RNF220: variants seen among roughly 807,000 people sequenced by gnomAD.
RNF220 encodes E3 ubiquitin-protein ligase RNF220.
Under a neutral mutation model 67.1 loss-of-function variants are expected in RNF220, and 7 were observed. The observed-to-expected ratio is 0.10, with a 90% confidence interval of 0.06 to 0.20. The LOEUF (loss-of-function observed/expected upper bound fraction) is 0.20. RNF220 is among the 10% of genes least tolerant of loss of function. The pLI is 1.00. For missense variants in RNF220, 565 were observed against 740.3 expected (o/e 0.76, Z 2.75); for synonymous variants, 270 against 283.2 (o/e 0.95, Z 0.47).
At chr1:44,411,348 A>G (rs1357464778) in intron 1 of RNF220, among the ~76,000 whole-genome samples, 7 of 152,218 alleles carry the variant, frequency 4.6e-5, no homozygotes, top group African/African-American at 1.4e-4. Context: ...GTTTGTTCAT[A>G]TAGCACTTTT....
chr1:44,633,702 C>T (rs1286269115), intron 6 of RNF220, among the ~76,000 whole-genome samples: 1 of 152,196 alleles, frequency 6.6e-6, no homozygotes, highest in African/African-American at 2.4e-5. Flanking sequence ...ATTGTGGTAT[C>T]ATCAGCACCT....
intron 2 of RNF220, among the ~76,000 whole-genome samples, chr1:44,610,219 T>C (rs2148419808): frequency 6.6e-6 from 1 of 152,380 alleles, no homozygotes; most frequent in Admixed American, 6.5e-5. Flanking sequence ...GTCAGACCTC[T>C]GGCCGCCTGG....
chr1:44,429,648 A>T (rs964476459), intron 2 of RNF220, among the ~76,000 whole-genome samples: 1 of 152,236 alleles, frequency 6.6e-6, no homozygotes, highest in African/African-American at 2.4e-5. Flanking sequence ...AAACTTGAAG[A>T]TGGAGGTGGG....
chr1:44,527,070 G>C (rs1280712001), intron 2 of RNF220, among the ~76,000 whole-genome samples: 1 of 151,850 alleles, frequency 6.6e-6, no homozygotes, highest in African/African-American at 2.4e-5. Context: ...AGCTCATCAT[G>C]CCTGTAGTTT....
chr1:44,551,342 C>T (rs1268959401), intron 2 of RNF220, among the ~76,000 whole-genome samples: 1 of 151,764 alleles, frequency 6.6e-6, no homozygotes, highest in Non-Finnish European at 1.5e-5. Context: ...CTCGAACTCC[C>T]GACCTCATGT....
intron 2 of RNF220, among the ~76,000 whole-genome samples, chr1:44,575,807 C>T (rs542320064): frequency 6.6e-6 from 1 of 152,270 alleles, no homozygotes; most frequent in East Asian, 1.9e-4. Context: ...GGTATTTATC[C>T]AAAGGGAAGA....
chr1:44,627,885 G>C (rs1644002998), intron 5 of RNF220, among the ~76,000 whole-genome samples: 1 of 152,254 alleles, frequency 6.6e-6, no homozygotes, highest in Non-Finnish European at 1.5e-5. Flanking sequence ...GCCTGGCACA[G>C]GGTGCAGAGC....
chr1:44,457,319 C>A (rs1386668077), intron 2 of RNF220, among the ~76,000 whole-genome samples: 1 of 152,048 alleles, frequency 6.6e-6, no homozygotes, highest in East Asian at 1.9e-4. Context: ...TATATTAGTT[C>A]ATTCTTCACT....
intron 2 of RNF220, among the ~76,000 whole-genome samples, chr1:44,559,094 A>G (rs948732251): frequency 6.6e-6 from 1 of 152,226 alleles, no homozygotes; most frequent in Non-Finnish European, 1.5e-5. Flanking sequence ...ACACATAGTA[A>G]GTGCTCATTA....
chr1:44,562,758 G>A (rs1021848764), intron 2 of RNF220, among the ~76,000 whole-genome samples: 1 of 152,184 alleles, frequency 6.6e-6, no homozygotes, highest in African/African-American at 2.4e-5. Context: ...TTGTCACTGG[G>A]AAGGCTGGAG....
At chr1:44,485,278 C>T (rs137856930) in intron 2 of RNF220, among the ~76,000 whole-genome samples, 1 of 152,308 alleles carries the variant, frequency 6.6e-6, no homozygotes, top group East Asian at 1.9e-4. Context: ...TATTCTCTCC[C>T]TCCCCCCAAT....
At chr1:44,615,412 G>A (rs1643501863) in intron 3 of RNF220, among the ~76,000 whole-genome samples, 1 of 152,144 alleles carries the variant, frequency 6.6e-6, no homozygotes, top group South Asian at 2.1e-4. Context: ...ATGTGGGATG[G>A]AAGATATGGT....
intron 2 of RNF220, among the ~76,000 whole-genome samples, chr1:44,512,311 A>G (rs1659075820): frequency 6.6e-6 from 1 of 152,198 alleles, no homozygotes; most frequent in South Asian, 2.1e-4. Flanking sequence ...ACACCTAATT[A>G]TGGGGGGAGG....
intron 2 of RNF220, among the ~76,000 whole-genome samples, chr1:44,460,578 G>T (rs146059887): frequency 3.9e-5 from 6 of 152,148 alleles, no homozygotes; most frequent in Non-Finnish European, 8.8e-5. Context: ...GATCATTGAG[G>T]GTTCATTGAG....
chr1:44,494,073 G>T (rs1025286661), intron 2 of RNF220, among the ~76,000 whole-genome samples: 1 of 152,012 alleles, frequency 6.6e-6, no homozygotes, highest in Non-Finnish European at 1.5e-5. Context: ...GGGCATGGTG[G>T]CAGGTGCCTG....
chr1:44,635,623 C>T (rs559181245), intron 7 of RNF220, 35 bp downstream of exon 7: 12 of 1,614,122 alleles, frequency 7.4e-6, no homozygotes, highest in South Asian at 6.6e-5. Flanking sequence ...CTGGCAGGAT[C>T]GGAGCAGGAG....
At chr1:44,430,197 G>A (rs895822331) in intron 2 of RNF220, among the ~76,000 whole-genome samples, 3 of 152,086 alleles carry the variant, frequency 2.0e-5, no homozygotes, top group Non-Finnish European at 4.4e-5. Flanking sequence ...AGTATGACTA[G>A]GTAGGAAGAA....
intron 2 of RNF220, among the ~76,000 whole-genome samples, chr1:44,582,955 G>A (rs1393872767): frequency 4.0e-5 from 6 of 151,804 alleles, no homozygotes; most frequent in Admixed American, 1.3e-4. Flanking sequence ...GCAGTGAGTC[G>A]AGATCACGCC....
In RNF220 at chr1:44,649,219, G is replaced by A. The variant is rs1294682595; in HGVS notation, c.1446-442G>A. 1.5e-5 allele frequency: 3 copies of A among 203,952 alleles called. No individual in the cohort carries two copies. The highest frequency in any genetic ancestry group is 7.1e-5 in the African/African-American group (3 of 42,112). The allele number at this position is 203,952 out of a possible 1,614,324, so 12.6% of individuals were successfully genotyped here. Reference sequence around the variant, plus strand: ...AGTCACACCACGAGAGATTTGCTTTGAGAACATAAATTCCTCTAGGCGCTG... The same window carrying A: ...AGTCACACCACGAGAGATTTGCTTTAAGAACATAAATTCCTCTAGGCGCTG... On this transcript the variant is annotated intron_variant, in intron 12 of 14. Transcript: ENST00000361799. This position sits in a 1 kb window ranked among gnomAD's most constrained non-coding sequence, Gnocchi z 5.9.
Sources: gnomAD v4.1 joint callset for allele counts (sites outside exome capture counted in the v4.1 genomes callset) on GRCh38, gnomAD v4.1.1 for gene constraint, Gnocchi (gnomAD v3.1) non-coding constraint, MANE v1.5 for transcripts, NCBI Gene and HGNC (gene_info 2026-07-23, HGNC 2026-07-21) for gene names.